GABRG3: variants seen among roughly 807,000 people sequenced by gnomAD.
The protein encoded by GABRG3 is gamma-aminobutyric acid type A receptor subunit gamma3, also known as gamma-aminobutyric acid receptor subunit gamma-3.
A neutral mutation model predicts 48.8 loss-of-function variants in GABRG3; 25 were observed. The ratio of observed to expected loss-of-function variants is 0.51; its 90% CI spans 0.37 to 0.72. The LOEUF (loss-of-function observed/expected upper bound fraction) is 0.72. Among genes scored for constraint, GABRG3 ranks in the 30% least tolerant of loss-of-function variants. The probability of loss-of-function intolerance (pLI) is 0.00; values close to 1 mark genes in which losing one functional copy is unlikely to be tolerated. For missense variants in GABRG3, 394 were observed against 577.9 expected (o/e 0.68, Z 3.26); for synonymous variants, 227 against 217.6 (o/e 1.04, Z -0.38).
chr15:27,122,283 G>T (rs959659007), intron 3 of GABRG3, among the ~76,000 whole-genome samples: 5 of 151,954 alleles, frequency 3.3e-5, no homozygotes, highest in Admixed American at 3.3e-4. Context: ...AAGATCTGTT[G>T]GCCAAATAAT....
At chr15:27,088,029 ATGAG>A (rs1265438126) in intron 3 of GABRG3, among the ~76,000 whole-genome samples, 1 of 143,268 alleles carries the variant, frequency 7.0e-6, no homozygotes, top group African/African-American at 2.6e-5. Context: ...GCATGTGTAT[ATGAG>A]TGTGTGATAT....
rs10600874 is a variant in GABRG3, at chr15:27,300,678, CAAAAA to C, written c.271-26116_271-26112del. On this transcript the variant is annotated intron_variant, in intron 3 of 9. Coordinates refer to ENST00000615808, the MANE Select transcript of GABRG3 (RefSeq NM_033223.5). ...ATCTCAAAATAAATAAATAAATAAG[CAAAAA>C]AAAAAAAAAAAAAACACCTGGATTA... 3.1e-3 allele frequency among the ~76,000 whole-genome samples: 318 copies of C among 101,252 alleles called. 1 individual carries two copies. Among genetic ancestry groups the C allele is most frequent in the Middle Eastern group, 6.8e-3 (1 of 146 alleles). The allele number at this position is 101,252 out of a possible 152,430, so 66.4% of individuals were successfully genotyped here. A position where few individuals can be genotyped will look rare whatever the true frequency, so the allele number is the denominator to read the frequency against.
intron 3 of GABRG3, among the ~76,000 whole-genome samples, chr15:27,085,396 A>G (rs1897059385): frequency 6.6e-6 from 1 of 152,196 alleles, no homozygotes; most frequent in Non-Finnish European, 1.5e-5. Flanking sequence ...TTCTCCAAAC[A>G]AATCAGTTGG....
Position 27,532,630 on chromosome 15 carries a change from C to A in GABRG3, c.1153C>A (p.Pro385Thr). ...TTCCCTCCTGGACATGAGGCCACCA[C>A]CAACTGCGATGATCACTTTAAACAA... ...NYSLLDMRPP[P>T]TAMITLNNSV... The change falls in exon 10 of 10, where the codon CCA becomes ACA. Residue 385 changes from proline to threonine, a missense_variant. Physicochemically the swap from Pro to Thr is conservative, Grantham distance 38. This residue lies in a region of GABRG3 where 126 missense variants were observed against 155.5 expected (regional missense o/e 0.81). Transcript: ENST00000615808. 1.2e-6 allele frequency: 2 copies of A among 1,613,940 alleles called. No individual in the cohort carries two copies. The highest frequency in any genetic ancestry group is 1.6e-4 in the Middle Eastern group (1 of 6,062).
intron 5 of GABRG3, among the ~76,000 whole-genome samples, chr15:27,375,036 AT>A (rs1222271768): frequency 6.6e-6 from 1 of 151,986 alleles, no homozygotes; most frequent in Non-Finnish European, 1.5e-5. Context: ...AAGGTGGATA[AT>A]TTTGGGGGGG....
rs998708578 is a variant in GABRG3 at position 26,974,883 on chromosome 15, T to C, written c.54-2119T>C. On this transcript the variant is annotated intron_variant, in intron 1 of 9. Transcript: ENST00000615808. The surrounding 1 kb of genome is among the most constrained non-coding windows in gnomAD (Gnocchi z 4.3). ...ATTATTATTATTATTATTATTATTATTATTATTTGAGATGGAGTCTCGCTC... is the reference window on the plus strand; with the variant it reads ...ATTATTATTATTATTATTATTATTACTATTATTTGAGATGGAGTCTCGCTC... 7.1e-6 allele frequency among the ~76,000 whole-genome samples: 1 copy of C among 140,248 alleles called. No homozygotes were observed. The highest frequency in any genetic ancestry group is 2.8e-5 in the African/African-American group (1 of 36,322). 92.0% of individuals were successfully genotyped at this position (140,248 alleles called of 152,430 possible). A position where few individuals can be genotyped will look rare whatever the true frequency, so the allele number is the denominator to read the frequency against.
intron 3 of GABRG3, among the ~76,000 whole-genome samples, chr15:27,174,477 T>C (rs1365462096): frequency 6.6e-6 from 1 of 152,060 alleles, no homozygotes; most frequent in Admixed American, 6.5e-5. Context: ...AGAAAGCCTA[T>C]TGTACAGGAA....
Position 27,026,970 on chromosome 15 carries a change from T to G in GABRG3, c.270+149T>G, listed in dbSNP as rs371830389. The G allele has an allele frequency of 2.0e-4, 91 of 450,440 alleles. 1 individual carries two copies. In the African/African-American group the frequency reaches 2.7e-3, roughly 13 times the overall value. 27.9% of individuals were successfully genotyped at this position (450,440 alleles called of 1,614,324 possible). On this transcript the variant is annotated intron_variant, in intron 3 of 9. Transcript: ENST00000615808. ...GTAACACTTATTGGAATATTGAAAA[T>G]GGTAAAAAAAAAAATGAAGAAAGAT...
At chr15:27,071,629 G>A (rs944297770) in intron 3 of GABRG3, among the ~76,000 whole-genome samples, 6 of 152,208 alleles carry the variant, frequency 3.9e-5, no homozygotes, top group African/African-American at 7.2e-5. Flanking sequence ...AGCACCTGGC[G>A]GCTCTCTCTG....
chr15:27,301,693 AAAAC>A (rs145224476), intron 3 of GABRG3, among the ~76,000 whole-genome samples: 1,629 of 152,046 alleles, frequency 0.011, 29 homozygotes, highest in African/African-American at 0.036. Context: ...AAACAAAACA[AAAAC>A]AAACAAAGAA....
At chr15:27,468,719 A>G (rs1316455163) in intron 5 of GABRG3, among the ~76,000 whole-genome samples, 1 of 152,194 alleles carries the variant, frequency 6.6e-6, no homozygotes, top group African/African-American at 2.4e-5. Context: ...AATGATCCCA[A>G]AGTTCAAGAG....
At chr15:27,313,995 AAAAC>A (rs1893123463) in intron 3 of GABRG3, among the ~76,000 whole-genome samples, 1 of 152,106 alleles carries the variant, frequency 6.6e-6, no homozygotes, top group African/African-American at 2.4e-5. Flanking sequence ...AAAGAATAGA[AAAAC>A]AATAGAAAAA....
intron 3 of GABRG3, among the ~76,000 whole-genome samples, chr15:27,084,081 T>C (rs10400919): frequency 0.27 from 41,062 of 152,094 alleles, 5,737 homozygotes; most frequent in East Asian, 0.44. Flanking sequence ...TGGGTCCCAG[T>C]AGGCAAACGT....
At chr15:27,215,654 G>A (rs575835181) in intron 3 of GABRG3, among the ~76,000 whole-genome samples, 19 of 152,274 alleles carry the variant, frequency 1.2e-4, no homozygotes, top group African/African-American at 4.6e-4. Flanking sequence ...TTGCATGGGA[G>A]GCTTGAAGTC....
chr15:27,458,859 G>A (rs1224900444), intron 5 of GABRG3, among the ~76,000 whole-genome samples: 3 of 152,202 alleles, frequency 2.0e-5, no homozygotes, highest in Non-Finnish European at 4.4e-5. Context: ...GGCTCCTGTG[G>A]CCCTGGGCAT....
chr15:27,115,163 G>A (rs1447795770), intron 3 of GABRG3, among the ~76,000 whole-genome samples: 1 of 151,870 alleles, frequency 6.6e-6, no homozygotes, highest in Non-Finnish European at 1.5e-5. Flanking sequence ...TGGCAGTTAG[G>A]CAGGATTCTA....
chr15:27,496,353 G>A (rs533693899), intron 6 of GABRG3, among the ~76,000 whole-genome samples: 6 of 152,282 alleles, frequency 3.9e-5, no homozygotes, highest in East Asian at 1.9e-4. Flanking sequence ...GGCTGGAATC[G>A]GGTGATTATT....
At chr15:27,010,219 G>T (rs1895660261) in intron 2 of GABRG3, among the ~76,000 whole-genome samples, 1 of 152,118 alleles carries the variant, frequency 6.6e-6, no homozygotes, top group Non-Finnish European at 1.5e-5. Context: ...AGGGTAATTT[G>T]TTGGATATCC....
At chr15:27,301,856 T>G (rs2140493475) in intron 3 of GABRG3, among the ~76,000 whole-genome samples, 1 of 152,162 alleles carries the variant, frequency 6.6e-6, no homozygotes, top group East Asian at 1.9e-4. Context: ...GAACAGTGAT[T>G]CAATAATGGT....
Sources: gnomAD v4.1 joint callset for allele counts (sites outside exome capture counted in the v4.1 genomes callset) on GRCh38, gnomAD v4.1.1 for gene constraint, gnomAD v4.1.1 regional missense constraint, Gnocchi (gnomAD v3.1) non-coding constraint, MANE v1.5 for transcripts, NCBI Gene and HGNC (gene_info 2026-07-23, HGNC 2026-07-21) for gene names.